Variants in WEE1 observed in about 807,000 individuals in gnomAD.
The protein encoded by WEE1 is wee1-like protein kinase.
In WEE1, 16 loss-of-function variants were observed where a neutral mutation model predicts 68.8. That is an observed-to-expected ratio of 0.23 (90% confidence interval 0.16 to 0.35). The LOEUF (loss-of-function observed/expected upper bound fraction) is 0.35, where lower values mean the gene tolerates loss of function less well. Among genes scored for constraint, WEE1 ranks in the 10% least tolerant of loss-of-function variants. WEE1 has a pLI of 1.00. For synonymous variants in WEE1, 349 were observed against 318.7 expected (o/e 1.09, Z -1.01); for missense variants, 651 against 824.1 (o/e 0.79, Z 2.57).
Position 9,574,479 on chromosome 11 carries a change from G to A in WEE1, c.546G>A (p.Leu182=), listed in dbSNP as rs544177586. ...CGCCACACAAGACCTTCCGCAAGCT[G>A]CGACTCTTCGACACCCCGCACACGC... ...GTPPHKTFRK[L]RLFDTPHTPK... The change falls in exon 1 of 11, where the codon CTG becomes CTA. Residue 182 remains leucine, a synonymous_variant. Transcript: ENST00000450114. The surrounding 1 kb of genome is among the most constrained non-coding windows in gnomAD (Gnocchi z 4.9). 1 of 1,259,440 alleles carries A rather than the reference G, an allele frequency of 7.9e-7. No homozygotes were observed. Among genetic ancestry groups the A allele is most frequent in the African/African-American group, 1.6e-5 (1 of 63,358 alleles). 78.0% of individuals were successfully genotyped at this position (1,259,440 alleles called of 1,614,324 possible).
intron 6 of WEE1, among the ~76,000 whole-genome samples, chr11:9,582,648 C>T (rs758709997): frequency 1.1e-4 from 16 of 152,126 alleles, no homozygotes; most frequent in Non-Finnish European, 1.9e-4. Context: ...CTCTCTGTAA[C>T]CTCTGCCTCC....
Position 9,576,330 on chromosome 11 carries a change from C to T in WEE1, c.846+37C>T, listed in dbSNP as rs1160591005. 1.3e-6 allele frequency: 2 copies of T among 1,530,692 alleles called. No individual in the cohort carries two copies. Among genetic ancestry groups the T allele is most frequent in the Non-Finnish European group, 1.8e-6 (2 of 1,135,174 alleles). The allele number at this position is 1,530,692 out of a possible 1,614,324, so 94.8% of individuals were successfully genotyped here. On this transcript the variant is annotated intron_variant, in intron 3 of 10. Coordinates refer to ENST00000450114, the MANE Select transcript of WEE1 (RefSeq NM_003390.4). This position sits in a 1 kb window ranked among gnomAD's most constrained non-coding sequence, Gnocchi z 4.3. ...TTTATTTTTATTTTTTTGAAATTTA[C>T]TTTTCTGCCACTTAAAGCATGCTAT...
At chr11:9,583,786 CACACACACACACACACATATATATATAT>C (rs1426748596) in intron 6 of WEE1, among the ~76,000 whole-genome samples, 6 of 31,220 alleles carry the variant, frequency 1.9e-4, no homozygotes, top group African/African-American at 7.1e-4. Flanking sequence ...CACACACACA[CACACACACACACACACATATATATATAT>C]ATATATATAT....
intron 6 of WEE1, among the ~76,000 whole-genome samples, chr11:9,583,755 GCGCGCGCACACACACACACA>G (rs1410381683): frequency 6.9e-4 from 6 of 8,748 alleles, no homozygotes; most frequent in Admixed American, 2.2e-3. Context: ...GTGCGTGCAC[GCGCGCGCACACACACACACA>G]CACACACACA....
Position 9,585,150 on chromosome 11 carries a change from A to G in WEE1, c.1289-108A>G, listed in dbSNP as rs1589980841. On this transcript the variant is annotated intron_variant, in intron 6 of 10. Transcript: ENST00000450114. ...TTCCATGGGTTTGGGCTAGAACTTGAGAATCGGCATTTTAAAAAGCATTAT... is the reference window on the plus strand; with the variant it reads ...TTCCATGGGTTTGGGCTAGAACTTGGGAATCGGCATTTTAAAAAGCATTAT... The G allele has an allele frequency of 6.9e-6, 6 of 864,794 alleles. No individual in the cohort carries two copies. The East Asian group carries it at 1.5e-4, about 21-fold the overall frequency. The allele number at this position is 864,794 out of a possible 1,614,324, so 53.6% of individuals were successfully genotyped here. A position where few individuals can be genotyped will look rare whatever the true frequency, so the allele number is the denominator to read the frequency against.
chr11:9,586,352 T>A (rs1849699573), intron 8 of WEE1, 97 bp from the exon 9 acceptor site: 8 of 1,116,502 alleles, frequency 7.2e-6, no homozygotes, highest in Non-Finnish European at 1.0e-5. Flanking sequence ...GACACTTTGA[T>A]TAAGTCCTAT....
In WEE1 at chr11:9,577,998, T is replaced by C. The variant is rs868054582; in HGVS notation, c.1141+735T>C. 27 of 421,816 alleles carry C rather than the reference T, an allele frequency of 6.4e-5. No homozygotes were observed. The Middle Eastern group carries it at 4.9e-3, about 76-fold the overall frequency. The allele number at this position is 421,816 out of a possible 1,614,324, so 26.1% of individuals were successfully genotyped here. ...TTCTTATGGACGTCTGTCATTATTATATACCAAATCTTTTATGGATTATTT... is the reference window on the plus strand; with the variant it reads ...TTCTTATGGACGTCTGTCATTATTACATACCAAATCTTTTATGGATTATTT... On this transcript the variant is annotated intron_variant, in intron 5 of 10. Coordinates refer to ENST00000450114, the MANE Select transcript of WEE1 (RefSeq NM_003390.4).
intron 1 of WEE1, chr11:9,575,584 T>C (rs994848291): frequency 9.0e-6 from 3 of 333,462 alleles, no homozygotes; most frequent in Non-Finnish European, 1.6e-5. Context: ...TATTTTTGGA[T>C]GGGTTGAAAG....
At chr11:9,582,162 C>T (rs1849635343) in intron 6 of WEE1, among the ~76,000 whole-genome samples, 1 of 152,186 alleles carries the variant, frequency 6.6e-6, no homozygotes, top group Non-Finnish European at 1.5e-5. Flanking sequence ...TTAAAATTTC[C>T]CCAGTTGACT....
At chr11:9,585,682 A>T (rs1231357147) in intron 8 of WEE1, among the ~76,000 whole-genome samples, 155 bp downstream of exon 8, 1 of 152,276 alleles carries the variant, frequency 6.6e-6, no homozygotes, top group Non-Finnish European at 1.5e-5. Flanking sequence ...GCAAAAAGTC[A>T]TGAAGGCAAA....
chr11:9,581,430 C>T, intron 5 of WEE1, 102 bp from the exon 6 acceptor site: 1 of 1,149,946 alleles, frequency 8.7e-7, no homozygotes, highest in Non-Finnish European at 1.2e-6. Context: ...TAAAATAACA[C>T]TTTCTTGGTT....
At position 9,588,741 on chromosome 11, in the gene WEE1, G is replaced by A. The variant is rs1849730454; in HGVS notation, c.*139G>A. On this transcript the variant is annotated 3_prime_UTR_variant, in exon 11 of 11. Coordinates refer to ENST00000450114, the MANE Select transcript of WEE1 (RefSeq NM_003390.4). ...ATTAGGACTTTTATTGTGAATTACA[G>A]TTGAAAGCTGTATTTTGATGATTGC... 5 of 1,328,000 alleles carry A rather than the reference G, an allele frequency of 3.8e-6. No homozygotes were observed. The highest frequency in any genetic ancestry group is 3.9e-6 in the Non-Finnish European group (4 of 1,037,182). The allele number at this position is 1,328,000 out of a possible 1,614,324, so 82.3% of individuals were successfully genotyped here.
In WEE1 at chr11:9,589,447, T is replaced by A. The variant is rs1262593822; in HGVS notation, c.*845T>A. ...TCTCCCCCTAAGTTTTATACTTGAT[T>A]GTATTATTAGTCTGTTTTTAAATGT... On this transcript the variant is annotated 3_prime_UTR_variant, in exon 11 of 11. Transcript: ENST00000450114. 2.0e-6 allele frequency: 2 copies of A among 985,184 alleles called. No homozygotes were observed. Among genetic ancestry groups the A allele is most frequent in the Non-Finnish European group, 2.4e-6 (2 of 829,800 alleles). 61.0% of individuals were successfully genotyped at this position (985,184 alleles called of 1,614,324 possible).
rs1353420593 is a variant in WEE1, at chr11:9,576,967, A to T, written c.1020-175A>T. On this transcript the variant is annotated intron_variant, in intron 4 of 10. Coordinates refer to ENST00000450114, the MANE Select transcript of WEE1 (RefSeq NM_003390.4). This position sits in a 1 kb window ranked among gnomAD's most constrained non-coding sequence, Gnocchi z 4.3. ...CTTCTTTCTGATAAATCTTTAATGGAATCTGCCTTTGGAAAAATCTCTTAC... is the reference window on the plus strand; with the variant it reads ...CTTCTTTCTGATAAATCTTTAATGGTATCTGCCTTTGGAAAAATCTCTTAC... Among the ~76,000 whole-genome samples the T allele has an allele frequency of 6.6e-6, 1 of 152,232 alleles. No homozygotes were observed. Among genetic ancestry groups the T allele is most frequent in the Non-Finnish European group, 1.5e-5 (1 of 68,032 alleles).
At chr11:9,575,075 A>G (rs1394203206) in intron 1 of WEE1, 5 of 985,466 alleles carry the variant, frequency 5.1e-6, no homozygotes, top group Non-Finnish European at 4.8e-6. Context: ...TTACAGTCCT[A>G]CAGACTCATC....
chr11:9,585,536 T>A lies in WEE1; in HGVS notation c.1470+9T>A, dbSNP rs201185443. The A allele has an allele frequency of 2.7e-4, 419 of 1,571,806 alleles. No individual in the cohort carries two copies. The highest frequency in any genetic ancestry group is 3.4e-4 in the Non-Finnish European group (392 of 1,165,918). On this transcript the variant is annotated intron_variant, in intron 8 of 10. Coordinates refer to ENST00000450114, the MANE Select transcript of WEE1 (RefSeq NM_003390.4). ...ATGAAGTTTTACAGGAGGTAATTTT[T>A]CTTCTCCCTTAATCATAGTTTGCTT...
Position 9,576,013 on chromosome 11 carries a change from T to C in WEE1, c.702T>C (p.Asn234=). The C allele has an allele frequency of 6.2e-7, 1 of 1,614,206 alleles. No individual in the cohort carries two copies. Among genetic ancestry groups the C allele is most frequent in the Non-Finnish European group, 8.5e-7 (1 of 1,180,032 alleles). The change falls in exon 2 of 11, where the codon AAT becomes AAC. Residue 234 remains asparagine (N), a synonymous_variant. Transcript: ENST00000450114. This position sits in a 1 kb window ranked among gnomAD's most constrained non-coding sequence, Gnocchi z 4.3. ...EFDVRQTPQV[N]INPFTPDSLL... ...ATGTGCGACAGACTCCTCAAGTGAA[T>C]ATTAATCCTTTTACTCCGGATTCTT...
rs1047284369 is a variant in WEE1 at position 9,581,800 on chromosome 11, T to C, written c.1288+122T>C. ...TCTCATTGTTAGTTTTAAAAGGCCT[T>C]AGATCCACTTACCAATATTGTTTTA... On this transcript the variant is annotated intron_variant, in intron 6 of 10. Transcript: ENST00000450114. 5.6e-6 allele frequency: 5 copies of C among 894,374 alleles called. No individual in the cohort carries two copies. The African/African-American group carries it at 8.8e-5, about 16-fold the overall frequency. The allele number at this position is 894,374 out of a possible 1,614,324, so 55.4% of individuals were successfully genotyped here.
Position 9,581,608 on chromosome 11 carries a change from C to A in WEE1, c.1218C>A (p.Leu406=). 6.2e-7 allele frequency: 1 copy of A among 1,613,340 alleles called. No homozygotes were observed. Among genetic ancestry groups the A allele is most frequent in the Non-Finnish European group, 8.5e-7 (1 of 1,179,882 alleles). Residue 406 remains leucine, a synonymous_variant, in exon 6 of 11, where the codon CTC becomes CTA. Coordinates refer to ENST00000450114, the MANE Select transcript of WEE1 (RefSeq NM_003390.4). ...SYFKEAELKD[L]LLQVGRGLRY... ...TTAAAGAAGCAGAGTTGAAGGATCT[C>A]CTTTTGCAAGTTGGCCGAGGCTTGA... is the stretch of plus-strand genomic sequence containing the variant.
Sources: allele counts gnomAD v4.1 joint callset (sites outside exome capture counted in the v4.1 genomes callset), GRCh38; gene constraint gnomAD v4.1.1; non-coding constraint Gnocchi (gnomAD v3.1); transcripts MANE v1.5; gene names NCBI Gene and HGNC (gene_info 2026-07-23, HGNC 2026-07-21).